FER1L5: variants seen among roughly 807,000 people sequenced by gnomAD.
The protein encoded by FER1L5 is fer-1-like protein 5.
In FER1L5, 187 loss-of-function variants were observed where a neutral mutation model predicts 279.9. That is an observed-to-expected ratio of 0.67 (90% CI 0.59 to 0.75). FER1L5 has a LOEUF of 0.75. Ranked by LOEUF, FER1L5 falls within the 30% of genes least tolerant of loss-of-function variation. The pLI is 0.00. For synonymous variants in FER1L5, 921 were observed against 989.7 expected (o/e 0.93, Z 1.30); for missense variants, 2,091 against 2,594.4 (o/e 0.81, Z 4.21).
At chr2:96,658,865 G>A (rs1329371053) in intron 9 of FER1L5, among the ~76,000 whole-genome samples, 1 of 152,060 alleles carries the variant, frequency 6.6e-6, no homozygotes, top group African/African-American at 2.4e-5. Context: ...TGGATTGTTT[G>A]TTTTCTAACT....
rs1298201795 is a variant in FER1L5 at position 96,695,601 on chromosome 2, C to T, written c.3834C>T (p.Ile1278=). The T allele has an allele frequency of 5.6e-6, 9 of 1,601,218 alleles. No homozygotes were observed. The African/African-American group carries it at 1.1e-4, about 19-fold the overall frequency. The stretch of plus-strand genomic sequence containing the variant: ...AAGAGTCCCTGAGGACAGAACCCAT[C>T]AGGGACTTTCAGACCAACCCCAACT... ...FGEESLRTEP[I]RDFQTNPNFP... The change falls in exon 35 of 53, where the codon ATC becomes ATT. Residue 1278 remains isoleucine (I), a synonymous_variant. Coordinates refer to ENST00000624922, the MANE Select transcript of FER1L5 (RefSeq NM_001293083.2).
chr2:96,651,243 CTTTCTTTCTT>C (rs1558839994), intron 6 of FER1L5, among the ~76,000 whole-genome samples: 5 of 62,140 alleles, frequency 8.0e-5, no homozygotes, highest in African/African-American at 2.9e-4. Flanking sequence ...CTTTCTCTTT[CTTTCTTTCTT>C]TCTTTCTTTC....
intron 9 of FER1L5, among the ~76,000 whole-genome samples, chr2:96,657,678 A>G (rs1242114085): frequency 6.6e-6 from 1 of 152,120 alleles, no homozygotes; most frequent in Non-Finnish European, 1.5e-5. Flanking sequence ...AGTATTTCCT[A>G]GAGTTCATAT....
chr2:96,651,324 CTCTT>C (rs1396745229), intron 6 of FER1L5, among the ~76,000 whole-genome samples: 9 of 136,454 alleles, frequency 6.6e-5, no homozygotes, highest in Non-Finnish European at 1.1e-4. Flanking sequence ...CCTTCTTTCT[CTCTT>C]TCTTTCTTTC....
Position 96,698,846 on chromosome 2 carries a change from C to A in FER1L5, c.4518+14C>A, listed in dbSNP as rs762865251. On this transcript the variant is annotated intron_variant, in intron 41 of 52. Transcript: ENST00000624922. The surrounding 1 kb of genome is among the most constrained non-coding windows in gnomAD (Gnocchi z 5.5). Reference sequence around the variant, plus strand: ...TACAATGGCCTGGTAAAGAACAGTACCTGCCCCACACAGGTGCCCCGCACG... The same window carrying A: ...TACAATGGCCTGGTAAAGAACAGTAACTGCCCCACACAGGTGCCCCGCACG... 2.6e-6 allele frequency: 4 copies of A among 1,556,888 alleles called. No individual in the cohort carries two copies. Among genetic ancestry groups the A allele is most frequent in the Non-Finnish European group, 3.5e-6 (4 of 1,150,212 alleles).
intron 19 of FER1L5, among the ~76,000 whole-genome samples, chr2:96,680,146 C>T (rs1310716365): frequency 1.3e-5 from 2 of 152,070 alleles, no homozygotes. Flanking sequence ...TATTTTGAGT[C>T]TGCAGATTAT....
At chr2:96,688,434 C>A (rs2077016536) in intron 24 of FER1L5, among the ~76,000 whole-genome samples, 1 of 152,128 alleles carries the variant, frequency 6.6e-6, no homozygotes, top group Non-Finnish European at 1.5e-5. Context: ...GGATCTGAGG[C>A]ATCTGCCCAC....
intron 34 of FER1L5, chr2:96,695,149 A>T (rs2077318496): frequency 9.4e-6 from 2 of 213,756 alleles, no homozygotes; most frequent in South Asian, 2.5e-4. Context: ...CAGGCCTCAG[A>T]GGCAGTCGGC....
rs1220027536 is a variant in FER1L5, at chr2:96,691,173, T to C, written c.2744-17T>C. 7.1e-6 allele frequency: 11 copies of C among 1,539,270 alleles called. No individual in the cohort carries two copies. The highest frequency in any genetic ancestry group is 1.8e-6 in the Non-Finnish European group (2 of 1,140,084). ...CGGGCACCTGAGGACTCAGAGGCCA[T>C]GGTCCACCCACCGCAGGCTGGGAGT... On this transcript the variant is annotated splice_polypyrimidine_tract_variant and intron_variant, in intron 27 of 52. Coordinates refer to ENST00000624922, the MANE Select transcript of FER1L5 (RefSeq NM_001293083.2). The surrounding 1 kb of genome is among the most constrained non-coding windows in gnomAD (Gnocchi z 6.0).
At chr2:96,644,814 G>A (rs149872911) in intron 1 of FER1L5, among the ~76,000 whole-genome samples, 2,307 of 152,288 alleles carry the variant, frequency 0.015, 61 homozygotes, top group African/African-American at 0.053. Flanking sequence ...TTCAAGAGGG[G>A]CGGTGGGAGT....
Position 96,653,708 on chromosome 2 carries a change from G to T in FER1L5, c.696+6G>T. On this transcript the variant is annotated splice_donor_region_variant and intron_variant, in intron 8 of 52. Coordinates refer to ENST00000624922, the MANE Select transcript of FER1L5 (RefSeq NM_001293083.2). ...ATGAGACCATCTTAATCCAGGTGAG[G>T]AGCCAAACTGGTCCCCAGCAAGGTG... 1.9e-6 allele frequency: 3 copies of T among 1,549,780 alleles called. No individual in the cohort carries two copies. The highest frequency in any genetic ancestry group is 2.7e-5 in the African/African-American group (2 of 73,050).
rs1305436903 is a variant in FER1L5, at chr2:96,661,366, A to G, written c.820A>G (p.Asn274Asp). The change falls in exon 11 of 53, where the codon AAT (asparagine) becomes GAT (aspartate). Residue 274 changes from asparagine to aspartate, a missense_variant. Physicochemically the swap from Asn to Asp is conservative, Grantham distance 23 (BLOSUM62 1). Coordinates refer to ENST00000624922, the MANE Select transcript of FER1L5 (RefSeq NM_001293083.2). ...GAAATGGCTAGGCCTCTGCCAGCCA[A>G]ATAACCCTGGCAGTGGTGTGACAGG... ...LRKWLGLCQP[N>D]NPGSGVTGYL... The G allele has an allele frequency of 6.4e-7, 1 of 1,551,410 alleles. No homozygotes were observed. The highest frequency in any genetic ancestry group is 8.7e-7 in the Non-Finnish European group (1 of 1,146,956).
At chr2:96,670,281 CAA>C (rs1275343309) in intron 18 of FER1L5, 34 bp downstream of exon 18, 1 of 1,549,182 alleles carries the variant, frequency 6.5e-7, no homozygotes, top group Non-Finnish European at 8.7e-7. Context: ...CAGGGAAAAA[CAA>C]GAGCCCTGTC....
chr2:96,679,899 C>G (rs1166978209), intron 19 of FER1L5, among the ~76,000 whole-genome samples: 1 of 152,150 alleles, frequency 6.6e-6, no homozygotes, highest in African/African-American at 2.4e-5. Context: ...ACCTTCCCAT[C>G]TCTGTTTTTG....
At chr2:96,692,367 CAG>C (rs1242461508) in intron 31 of FER1L5, among the ~76,000 whole-genome samples, 186 bp downstream of exon 31, 1 of 152,208 alleles carries the variant, frequency 6.6e-6, no homozygotes, top group Non-Finnish European at 1.5e-5. Flanking sequence ...AGTGTAAAGA[CAG>C]GGGCATGGAT....
At chr2:96,681,605 T>C (rs115601606) in intron 19 of FER1L5, among the ~76,000 whole-genome samples, 2,671 of 152,132 alleles carry the variant, frequency 0.018, 74 homozygotes, top group African/African-American at 0.06. Flanking sequence ...ATATAAAAAA[T>C]CATATCGTGG....
rs1271127853 is a variant in FER1L5, at chr2:96,702,806, T to TC, written c.5397+71dup. Reference sequence around the variant, plus strand: ...AACAGACCCAGGCTCCTGGAGCTCCTCCCCCCACCCCTCCAGAGGCTTGCA... The same window carrying TC: ...AACAGACCCAGGCTCCTGGAGCTCCTCCCCCCCACCCCTCCAGAGGCTTGCA... On this transcript the variant is annotated intron_variant, in intron 48 of 52. Coordinates refer to ENST00000624922, the MANE Select transcript of FER1L5 (RefSeq NM_001293083.2). The surrounding 1 kb of genome is among the most constrained non-coding windows in gnomAD (Gnocchi z 4.0). 3 of 1,587,202 alleles carry TC rather than the reference T, an allele frequency of 1.9e-6. No individual in the cohort carries two copies. The highest frequency in any genetic ancestry group is 1.7e-6 in the Non-Finnish European group (2 of 1,167,540).
intron 45 of FER1L5, 98 bp downstream of exon 45, chr2:96,700,569 A>C: frequency 6.7e-7 from 1 of 1,503,574 alleles, no homozygotes; most frequent in Non-Finnish European, 9.1e-7. Flanking sequence ...CGAGAGGAGA[A>C]GGACAGGCCA....
In FER1L5 at chr2:96,647,903, A is replaced by G; in HGVS notation, c.339+17A>G. 1 of 1,541,116 alleles carries G rather than the reference A, an allele frequency of 6.5e-7. No individual in the cohort carries two copies. The highest frequency in any genetic ancestry group is 8.8e-7 in the Non-Finnish European group (1 of 1,137,260). On this transcript the variant is annotated intron_variant, in intron 4 of 52. Coordinates refer to ENST00000624922, the MANE Select transcript of FER1L5 (RefSeq NM_001293083.2). Reference sequence around the variant, plus strand: ...CCCACAGATGTGAGTCAGGCCCAGGAAGGCCCAGGCAGGGTGGCTGGAGGA... The same window carrying G: ...CCCACAGATGTGAGTCAGGCCCAGGGAGGCCCAGGCAGGGTGGCTGGAGGA...
Sources: allele counts gnomAD v4.1 joint callset (sites outside exome capture counted in the v4.1 genomes callset), GRCh38; gene constraint gnomAD v4.1.1; non-coding constraint Gnocchi (gnomAD v3.1); transcripts MANE v1.5; gene names NCBI Gene and HGNC (gene_info 2026-07-23, HGNC 2026-07-21).